The following CUL7 variants were observed in gnomAD, a reference collection of about 807,000 sequenced individuals.
CUL7 encodes the protein cullin-7.
In CUL7, 96 loss-of-function variants were observed where a neutral mutation model predicts 177.7. The ratio of observed to expected loss-of-function variants is 0.54; its 90% CI spans 0.46 to 0.64. CUL7 has a LOEUF of 0.64. Ranked by LOEUF, CUL7 falls within the 30% of genes least tolerant of loss-of-function variation. The probability of loss-of-function intolerance (pLI) is 0.00; values close to 1 mark genes in which losing one functional copy is unlikely to be tolerated. For missense variants in CUL7, 1,893 were observed against 2,187.9 expected (o/e 0.87, Z 2.69); for synonymous variants, 824 against 890.2 (o/e 0.93, Z 1.32).
In CUL7 at chr6:43,046,550, T is replaced by C. The variant is rs943503705; in HGVS notation, c.2449A>G (p.Ile817Val). ...DHRRTHQPIN[I>V]PFFDVFLRYL... ...CTGAGGAACACATCAAAGAAAGGGA[T>C]GTTGATGGGTTGGTGGGTTCGTCTG... Residue 817 changes from isoleucine (I) to valine (V), a missense_variant, in exon 11 of 26, where the codon ATC (isoleucine) becomes GTC (valine). This residue lies in a region of CUL7 where 973 missense variants were observed against 1,140.9 expected (regional missense o/e 0.85). Coordinates refer to ENST00000265348, the MANE Select transcript of CUL7 (RefSeq NM_014780.5). 1 of 1,613,896 alleles carries C rather than the reference T, an allele frequency of 6.2e-7. No homozygotes were observed. The highest frequency in any genetic ancestry group is 1.3e-5 in the African/African-American group (1 of 74,858).
rs985309950 is a variant in CUL7 at position 43,041,946 on chromosome 6, G to A, written c.3645+856C>T. 2.7e-5 allele frequency among the ~76,000 whole-genome samples: 4 copies of A among 149,498 alleles called. No homozygotes were observed. In the East Asian group the frequency reaches 5.9e-4, roughly 22 times the overall value. On this transcript the variant is annotated intron_variant, in intron 19 of 25. Transcript: ENST00000265348. ...TTGAACCTGGGAGGCGGAGGTTGTGGTGAGCTGAGATCGAGCCACTGCACT... is the reference window on the plus strand; with the variant it reads ...TTGAACCTGGGAGGCGGAGGTTGTGATGAGCTGAGATCGAGCCACTGCACT...
intron 22 of CUL7, among the ~76,000 whole-genome samples, chr6:43,039,292 T>TG (rs1342302126): frequency 6.6e-6 from 1 of 152,168 alleles, no homozygotes; most frequent in Non-Finnish European, 1.5e-5. Flanking sequence ...GAGGAAGGAC[T>TG]GGGGCTCTTA....
At position 43,040,769 on chromosome 6, in the gene CUL7, C is replaced by T; in HGVS notation, c.3807-23G>A. ...TGCCTGCAGTGCATGCAGCCCGGGC[C>T]AAGCCTCAGTGTGGGCACCAGTGTG... On this transcript the variant is annotated intron_variant, in intron 20 of 25. Transcript: ENST00000265348. The surrounding 1 kb of genome is among the most constrained non-coding windows in gnomAD (Gnocchi z 4.2). The T allele has an allele frequency of 6.2e-7, 1 of 1,613,162 alleles. No individual in the cohort carries two copies. Among genetic ancestry groups the T allele is most frequent in the South Asian group, 1.1e-5 (1 of 91,062 alleles).
rs767287027 is a variant in CUL7 at position 43,044,761 on chromosome 6, T to C, written c.3163A>G (p.Thr1055Ala). The change falls in exon 16 of 26, where the codon ACC becomes GCC. Residue 1055 changes from threonine (T) to alanine (A), a missense_variant. Transcript: ENST00000265348. ...ATGTCAGGATGGTTACCAGGGGAGG[T>C]GATGTTCTGCACCACGGGGCTGACC... ...ALVSPVVQNI[T>A]SPDEDGISPL... 6.2e-7 allele frequency: 1 copy of C among 1,609,256 alleles called. No individual in the cohort carries two copies. The highest frequency in any genetic ancestry group is 1.1e-5 in the South Asian group (1 of 90,922).
At position 43,040,252 on chromosome 6, in the gene CUL7, G is replaced by A. The variant is rs1763291698; in HGVS notation, c.4198C>T (p.Pro1400Ser). The change falls in exon 22 of 26, where the codon CCT becomes TCT. Residue 1400 changes from proline (P) to serine (S), a missense_variant. Transcript: ENST00000265348. This position sits in a 1 kb window ranked among gnomAD's most constrained non-coding sequence, Gnocchi z 4.2. ...SVLVLSRHSW[P>S]VASICHTLNP... The stretch of plus-strand genomic sequence containing the variant: ...AGTGTGTGGCAGATTGAGGCAACAG[G>A]CCAGGAGTGTCGGGACAGGACAAGC... 1 of 1,614,062 alleles carries A rather than the reference G, an allele frequency of 6.2e-7. No homozygotes were observed. Among genetic ancestry groups the A allele is most frequent in the African/African-American group, 1.3e-5 (1 of 74,900 alleles).
At position 43,050,987 on chromosome 6, in the gene CUL7, T is replaced by C; in HGVS notation, c.1214A>G (p.Asn405Ser). 2.5e-6 allele frequency: 4 copies of C among 1,614,104 alleles called. No individual in the cohort carries two copies. The highest frequency in any genetic ancestry group is 3.4e-6 in the Non-Finnish European group (4 of 1,180,020). Residue 405 changes from asparagine (N) to serine (S), a missense_variant, in exon 4 of 26, where the codon AAC (asparagine) becomes AGC (serine). Transcript: ENST00000265348. The surrounding 1 kb of genome is among the most constrained non-coding windows in gnomAD (Gnocchi z 4.1). ...GDEGEFRQSNNGVPPVQVFWE... is the reference protein window; with the variant it reads ...GDEGEFRQSNSGVPPVQVFWE... ...ACTCACCTGCACAGGAGGCACACCG[T>C]TGTTGCTCTGCCGAAACTCGCCCTC...
Position 43,051,655 on chromosome 6 carries a change from A to C in CUL7, c.689T>G (p.Leu230Arg). 6.2e-7 allele frequency: 1 copy of C among 1,614,112 alleles called. No individual in the cohort carries two copies. Among genetic ancestry groups the C allele is most frequent in the Non-Finnish European group, 8.5e-7 (1 of 1,180,036 alleles). ...ALLALFAQAT[L>R]SEHPMSFEGI... ...CTCGAAAGACATGGGGTGTTCAGAG[A>C]GCGTGGCCTGTGCAAACAGTGCTAG... Residue 230 changes from leucine to arginine, a missense_variant, in exon 3 of 26, where the codon CTC (leucine) becomes CGC (arginine). Leu to Arg is a moderately radical substitution (Grantham distance 102, BLOSUM62 -2). Transcript: ENST00000265348. The surrounding 1 kb of genome is among the most constrained non-coding windows in gnomAD (Gnocchi z 5.0).
rs1210693520 is a variant in CUL7, at chr6:43,045,713, C to T, written c.2767-31G>A. 6.2e-7 allele frequency: 1 copy of T among 1,611,204 alleles called. No individual in the cohort carries two copies. Among genetic ancestry groups the T allele is most frequent in the African/African-American group, 1.3e-5 (1 of 74,860 alleles). The stretch of plus-strand genomic sequence containing the variant: ...AGGGGGCAGAGAAAGCTGTCACCTC[C>T]ACACATGCAGAGCCAAGTTGGCTCT... On this transcript the variant is annotated intron_variant, in intron 13 of 25. Coordinates refer to ENST00000265348, the MANE Select transcript of CUL7 (RefSeq NM_014780.5). The surrounding 1 kb of genome is among the most constrained non-coding windows in gnomAD (Gnocchi z 4.8).
rs1053239808 is a variant in CUL7 at position 43,048,318 on chromosome 6, C to T, written c.2063+14G>A. The T allele has an allele frequency of 6.3e-7, 1 of 1,599,180 alleles. No homozygotes were observed. Among genetic ancestry groups the T allele is most frequent in the East Asian group, 2.2e-5 (1 of 44,832 alleles). ...CTTTGCCCTCAGAGATCCCACCTGT[C>T]ACCATGCTCTCACCTCAGCACAGTC... On this transcript the variant is annotated intron_variant, in intron 8 of 25. Transcript: ENST00000265348.
chr6:43,044,605 G>T, intron 16 of CUL7, 147 bp downstream of exon 16: 1 of 1,149,686 alleles, frequency 8.7e-7, no homozygotes, highest in Non-Finnish European at 1.2e-6. Context: ...CAGCCCCTGG[G>T]CTGTGAGAAG....
At chr6:43,041,177 CT>C (rs2150311513) in intron 19 of CUL7, 102 bp from the exon 20 acceptor site, 1 of 1,144,428 alleles carries the variant, frequency 8.7e-7, no homozygotes, top group African/African-American at 1.5e-5. Flanking sequence ...ATGCTGGCAG[CT>C]TTCTAAGGTG....
intron 16 of CUL7, among the ~76,000 whole-genome samples, chr6:43,044,527 G>A (rs890497420): frequency 6.6e-6 from 1 of 151,922 alleles, no homozygotes; most frequent in Non-Finnish European, 1.5e-5. Context: ...ATGATAAAGG[G>A]AGTGGGTAAC....
chr6:43,043,178 C>G lies in CUL7; in HGVS notation c.3358G>C (p.Gly1120Arg). The G allele has an allele frequency of 6.2e-7, 1 of 1,613,324 alleles. No individual in the cohort carries two copies. Among genetic ancestry groups the G allele is most frequent in the Middle Eastern group, 1.7e-4 (1 of 6,046 alleles). Residue 1120 changes from glycine (G) to arginine (R), a missense_variant and splice_region_variant, in exon 18 of 26, where the codon GGC becomes CGC. Physicochemically the swap from Gly to Arg is moderately radical, Grantham distance 125. Around this residue, in one of 5 missense-constraint regions of CUL7, gnomAD observed 973 missense variants for 1,140.9 expected, o/e 0.85. Coordinates refer to ENST00000265348, the MANE Select transcript of CUL7 (RefSeq NM_014780.5). The surrounding 1 kb of genome is among the most constrained non-coding windows in gnomAD (Gnocchi z 4.2). The part of the protein sequence containing the change: ...PPVVATPRPK[G>R]RNRSHDWSSL... ...CTCCAGTCGTGGCTTCTGTTTCTGCCTTCTGTAGAGACCAAGAAAGTGGCA... is the reference window on the plus strand; with the variant it reads ...CTCCAGTCGTGGCTTCTGTTTCTGCGTTCTGTAGAGACCAAGAAAGTGGCA...
chr6:43,044,752 C>T lies in CUL7; in HGVS notation c.3172G>A (p.Asp1058Asn). ...TGGGTCCAGATGTCAGGATGGTTAC[C>T]AGGGGAGGTGATGTTCTGCACCACG... ...SPVVQNITSPDEDGISPLGWL... is the reference protein window; with the variant it reads ...SPVVQNITSPNEDGISPLGWL... Residue 1058 changes from aspartate to asparagine, a missense_variant and splice_region_variant, in exon 16 of 26, where the codon GAT (aspartate) becomes AAT (asparagine). By Grantham distance (23) the Asp-to-Asn change is conservative. Around this residue, in one of 5 missense-constraint regions of CUL7, gnomAD observed 973 missense variants for 1,140.9 expected, o/e 0.85. Coordinates refer to ENST00000265348, the MANE Select transcript of CUL7 (RefSeq NM_014780.5). The T allele has an allele frequency of 6.2e-7, 1 of 1,608,672 alleles. No individual in the cohort carries two copies. The highest frequency in any genetic ancestry group is 8.5e-7 in the Non-Finnish European group (1 of 1,175,626).
At chr6:43,042,469 T>TAGCTGGGAATACAGGCATGTGCCAC (rs1763526841) in intron 19 of CUL7, among the ~76,000 whole-genome samples, 1 of 152,128 alleles carries the variant, frequency 6.6e-6, no homozygotes, top group African/African-American at 2.4e-5. Context: ...GCCTCCCAAG[T>TAGCTGGGAATACAGGCATGTGCCAC]AGCTGGGAAT....
intron 9 of CUL7, 76 bp from the exon 10 acceptor site, chr6:43,047,183 C>A (rs1393390009): frequency 1.2e-6 from 1 of 833,708 alleles, no homozygotes; most frequent in Non-Finnish European, 2.1e-6. Flanking sequence ...AGCAGGTACC[C>A]ACTGTGTACT....
chr6:43,037,627 C>T lies in CUL7; in HGVS notation c.*61G>A, dbSNP rs2150302235. ...CAAACACACACGTCATATAATCAAA[C>T]TCTTGGGTTTTATTTCTGTAAAAGC... On this transcript the variant is annotated 3_prime_UTR_variant, in exon 26 of 26. Coordinates refer to ENST00000265348, the MANE Select transcript of CUL7 (RefSeq NM_014780.5). 6.2e-6 allele frequency: 9 copies of T among 1,446,714 alleles called. No individual in the cohort carries two copies. The highest frequency in any genetic ancestry group is 2.5e-5 in the East Asian group (1 of 40,364). The allele number at this position is 1,446,714 out of a possible 1,614,324, so 89.6% of individuals were successfully genotyped here.
Position 43,052,729 on chromosome 6 carries a change from G to C in CUL7, c.60C>G (p.Ala20=). Residue 20 remains alanine, a synonymous_variant, in exon 2 of 26, where the codon GCC becomes GCG. Transcript: ENST00000265348. The surrounding 1 kb of genome is among the most constrained non-coding windows in gnomAD (Gnocchi z 4.5). The part of the protein sequence containing the change: ...FRVPLGPGLH[A]YPDELIRQRV... ...GCTGGCGGATCAGCTCATCAGGATA[G>C]GCATGTAAGCCGGGCCCCAGGGGCA... is the stretch of plus-strand genomic sequence containing the variant. The C allele has an allele frequency of 1.2e-6, 2 of 1,612,310 alleles. No individual in the cohort carries two copies. Among genetic ancestry groups the C allele is most frequent in the Non-Finnish European group, 1.7e-6 (2 of 1,180,042 alleles).
Position 43,050,217 on chromosome 6 carries a change from T to A in CUL7, c.1372+43A>T. 1 of 1,614,090 alleles carries A rather than the reference T, an allele frequency of 6.2e-7. No individual in the cohort carries two copies. The highest frequency in any genetic ancestry group is 1.1e-5 in the South Asian group (1 of 91,088). ...CACTAGCAACTCAGCAGGACCACCA[T>A]TCCTCTGCTCAGAGCTGACCCTTGC... On this transcript the variant is annotated intron_variant, in intron 5 of 25. Transcript: ENST00000265348. This position sits in a 1 kb window ranked among gnomAD's most constrained non-coding sequence, Gnocchi z 4.1.
Sources: allele counts gnomAD v4.1 joint callset (sites outside exome capture counted in the v4.1 genomes callset), GRCh38; gene constraint gnomAD v4.1.1; regional missense constraint gnomAD v4.1.1; non-coding constraint Gnocchi (gnomAD v3.1); transcripts MANE v1.5; gene names NCBI Gene and HGNC (gene_info 2026-07-23, HGNC 2026-07-21).